EBF3: variants seen among roughly 807,000 people sequenced by gnomAD.
EBF3 encodes the protein EBF transcription factor 3, also known as transcription factor COE3.
Under a neutral mutation model 77.1 loss-of-function variants are expected in EBF3, and 18 were observed. The ratio of observed to expected loss-of-function variants is 0.23; its 90% CI spans 0.16 to 0.35. EBF3 has a LOEUF of 0.35. Ranked by LOEUF, EBF3 falls within the 10% of genes least tolerant of loss-of-function variation. EBF3 has a pLI of 1.00. For missense variants in EBF3, 558 were observed against 860.0 expected (o/e 0.65, Z 4.39); for synonymous variants, 350 against 343.5 (o/e 1.02, Z -0.21).
intron 5 of EBF3, among the ~76,000 whole-genome samples, chr10:129,957,960 G>A (rs898180860): frequency 6.6e-6 from 1 of 152,184 alleles, no homozygotes; most frequent in African/African-American, 2.4e-5. Flanking sequence ...CATATGGTAG[G>A]CAAAGTATAT....
chr10:129,928,964 T>G (rs754797270), intron 6 of EBF3, among the ~76,000 whole-genome samples: 1 of 152,230 alleles, frequency 6.6e-6, no homozygotes, highest in Non-Finnish European at 1.5e-5. Context: ...GTGGCAATAT[T>G]AGTAAAACGG....
At chr10:129,865,019 C>T (rs1281578968) in intron 10 of EBF3, among the ~76,000 whole-genome samples, 1 of 152,184 alleles carries the variant, frequency 6.6e-6, no homozygotes, top group Non-Finnish European at 1.5e-5. Flanking sequence ...AAGCATATGC[C>T]CAGGTCCCAG....
chr10:129,962,046 G>A (rs1859564762), intron 4 of EBF3, 125 bp downstream of exon 4: 1 of 822,124 alleles, frequency 1.2e-6, no homozygotes, highest in African/African-American at 1.7e-5. Flanking sequence ...ATTCTCATTA[G>A]CATGTCAAGG....
intron 7 of EBF3, among the ~76,000 whole-genome samples, chr10:129,877,218 C>T (rs191121664): frequency 2.0e-5 from 3 of 152,160 alleles, no homozygotes; most frequent in Admixed American, 6.5e-5. Context: ...GGGCTGGGCA[C>T]GGTGGCTCAC....
chr10:129,930,643 C>G (rs1460851663), intron 6 of EBF3, among the ~76,000 whole-genome samples: 1 of 148,736 alleles, frequency 6.7e-6, no homozygotes, highest in Non-Finnish European at 1.5e-5. Context: ...TCTATATTAA[C>G]AAATCCCCCT....
At chr10:129,914,234 C>T (rs1460467227) in intron 6 of EBF3, among the ~76,000 whole-genome samples, 6 of 152,134 alleles carry the variant, frequency 3.9e-5, no homozygotes, top group African/African-American at 7.2e-5. Context: ...CTTTGAAGAC[C>T]GAGGCGGCTG....
In EBF3 at chr10:129,864,214, A is replaced by G. The variant is rs1406483760; in HGVS notation, c.1039+2927T>C. ...AGGGCAACAGGAACAGGCTACAGACAGGAGAGAGCTGCCCCCTCCCTGCAC... is the reference window on the plus strand; with the variant it reads ...AGGGCAACAGGAACAGGCTACAGACGGGAGAGAGCTGCCCCCTCCCTGCAC... On this transcript the variant is annotated intron_variant, in intron 10 of 16. Coordinates refer to ENST00000440978, the MANE Select transcript of EBF3 (RefSeq NM_001375380.1). This position sits in a 1 kb window ranked among gnomAD's most constrained non-coding sequence, Gnocchi z 4.4. Among the ~76,000 whole-genome samples the G allele has an allele frequency of 6.6e-6, 1 of 152,162 alleles. No homozygotes were observed. Among genetic ancestry groups the G allele is most frequent in the Non-Finnish European group, 1.5e-5 (1 of 68,014 alleles).
chr10:129,862,602 T>C (rs982207910), intron 10 of EBF3, among the ~76,000 whole-genome samples: 11 of 152,184 alleles, frequency 7.2e-5, no homozygotes, highest in African/African-American at 2.4e-4. Flanking sequence ...AAGCCACCTC[T>C]CCCAACCGGC....
chr10:129,941,412 G>A (rs1458265204), intron 6 of EBF3, among the ~76,000 whole-genome samples: 3 of 152,210 alleles, frequency 2.0e-5, no homozygotes, highest in East Asian at 1.9e-4. Flanking sequence ...GGCACTGAAC[G>A]CCTGGAGGTG....
rs1439929626 is a variant in EBF3 at position 129,943,685 on chromosome 10, T to C, written c.554+13573A>G. Among the ~76,000 whole-genome samples the C allele has an allele frequency of 6.6e-6, 1 of 152,186 alleles. No individual in the cohort carries two copies. Among genetic ancestry groups the C allele is most frequent in the African/African-American group, 2.4e-5 (1 of 41,424 alleles). ...TTTATTTTCCTTCAGACATTTTTTT[T>C]TTACCTCTGCTATGAATTAAAAGAA... On this transcript the variant is annotated intron_variant, in intron 6 of 16. Transcript: ENST00000440978. This position sits in a 1 kb window ranked among gnomAD's most constrained non-coding sequence, Gnocchi z 8.8.
At chr10:129,928,871 C>T (rs1205506110) in intron 6 of EBF3, among the ~76,000 whole-genome samples, 3 of 152,232 alleles carry the variant, frequency 2.0e-5, no homozygotes, top group African/African-American at 7.2e-5. Flanking sequence ...GCTGCTGACA[C>T]GGCCATGCCA....
At chr10:129,894,413 G>A (rs953692587) in intron 6 of EBF3, among the ~76,000 whole-genome samples, 2 of 152,210 alleles carry the variant, frequency 1.3e-5, no homozygotes, top group African/African-American at 2.4e-5. Flanking sequence ...CAGAAGAGAT[G>A]CCAAGGTCTG....
chr10:129,860,956 A>G (rs938530620), intron 10 of EBF3, among the ~76,000 whole-genome samples: 2 of 152,224 alleles, frequency 1.3e-5, no homozygotes, highest in Non-Finnish European at 2.9e-5. Context: ...GGTGTCACTG[A>G]TTAGGACAAA....
intron 6 of EBF3, among the ~76,000 whole-genome samples, chr10:129,924,837 A>T (rs537526387): frequency 2.5e-4 from 38 of 150,168 alleles, no homozygotes; most frequent in African/African-American, 9.0e-4. Context: ...TGGCTAATTT[A>T]AAAAAAAAAT....
intron 6 of EBF3, among the ~76,000 whole-genome samples, chr10:129,904,737 C>T (rs1855021829): frequency 6.6e-6 from 1 of 151,976 alleles, no homozygotes; most frequent in African/African-American, 2.4e-5. Context: ...TCTCTCTATC[C>T]ATCCATCCAT....
chr10:129,892,195 T>G (rs1350013900), intron 6 of EBF3, among the ~76,000 whole-genome samples: 1 of 152,210 alleles, frequency 6.6e-6, no homozygotes, highest in Non-Finnish European at 1.5e-5. Flanking sequence ...AGCGGGGCTC[T>G]TAGTCGGGTT....
At chr10:129,867,978 G>A in intron 8 of EBF3, 66 bp from the exon 9 acceptor site, 2 of 1,578,800 alleles carry the variant, frequency 1.3e-6, no homozygotes, top group Non-Finnish European at 8.6e-7. Flanking sequence ...GGGCCGCTCG[G>A]CCACCGCGCG....
intron 16 of EBF3, among the ~76,000 whole-genome samples, chr10:129,838,785 G>A (rs1488173511): frequency 1.3e-5 from 2 of 152,338 alleles, no homozygotes; most frequent in Non-Finnish European, 2.9e-5. Flanking sequence ...ATGTAGTGAC[G>A]TGAGCTTCAA....
At chr10:129,877,661 G>T in intron 7 of EBF3, 107 bp downstream of exon 7, 1 of 896,064 alleles carries the variant, frequency 1.1e-6, no homozygotes, top group East Asian at 2.5e-5. Flanking sequence ...TTGCTTCCAA[G>T]CCCTTAAAGA....
Sources: allele counts gnomAD v4.1 joint callset (sites outside exome capture counted in the v4.1 genomes callset), GRCh38; gene constraint gnomAD v4.1.1; non-coding constraint Gnocchi (gnomAD v3.1); transcripts MANE v1.5; gene names NCBI Gene and HGNC (gene_info 2026-07-23, HGNC 2026-07-21).